CPB1: variants seen among roughly 807,000 people sequenced by gnomAD.
CPB1 encodes carboxypeptidase B1, also known as carboxypeptidase B.
A neutral mutation model predicts 51.4 loss-of-function variants in CPB1; 53 were observed. The ratio of observed to expected loss-of-function variants is 1.03; its 90% CI spans 0.83 to 1.30. The LOEUF (loss-of-function observed/expected upper bound fraction) is 1.30. Among genes scored for constraint, CPB1 ranks in the 50% most tolerant of loss-of-function variants. The probability of loss-of-function intolerance (pLI) is 0.00; values close to 1 mark genes in which losing one functional copy is unlikely to be tolerated. For missense variants in CPB1, 494 were observed against 516.2 expected (o/e 0.96, Z 0.42); for synonymous variants, 189 against 186.9 (o/e 1.01, Z -0.09).
At chr3:148,837,022 A>G (rs1242700242) in intron 3 of CPB1, among the ~76,000 whole-genome samples, 1 of 152,220 alleles carries the variant, frequency 6.6e-6, no homozygotes, top group East Asian at 1.9e-4. Context: ...AAAAATCAAA[A>G]TGTGTGCAAA....
chr3:148,839,388 T>G (rs904234731), intron 3 of CPB1, among the ~76,000 whole-genome samples: 2 of 152,200 alleles, frequency 1.3e-5, no homozygotes, highest in African/African-American at 4.8e-5. Flanking sequence ...AAATTCACGT[T>G]GTTTTAAGCC....
chr3:148,841,735 G>A (rs1713085722), intron 5 of CPB1, 88 bp from the exon 6 acceptor site: 1 of 928,886 alleles, frequency 1.1e-6, no homozygotes, highest in South Asian at 1.6e-5. Flanking sequence ...TTCACTTGTT[G>A]AGTCTCAAGC....
chr3:148,842,421 T>A (rs1239036420), intron 6 of CPB1, among the ~76,000 whole-genome samples: 2 of 152,258 alleles, frequency 1.3e-5, no homozygotes, highest in African/African-American at 4.8e-5. Context: ...TAGTCCTTAC[T>A]CTAAATGACA....
chr3:148,845,221 T>C (rs1368726190), intron 8 of CPB1, among the ~76,000 whole-genome samples: 3 of 152,172 alleles, frequency 2.0e-5, no homozygotes, highest in Admixed American at 2.0e-4. Flanking sequence ...TGCAACTTCT[T>C]ACCAGGTTAG....
At chr3:148,859,343 C>T (rs914387740) in intron 10 of CPB1, among the ~76,000 whole-genome samples, 1 of 152,216 alleles carries the variant, frequency 6.6e-6, no homozygotes, top group Non-Finnish European at 1.5e-5. Flanking sequence ...ACCTTATCTA[C>T]ACCAGGCCCT....
At chr3:148,848,728 C>A (rs371290754) in intron 9 of CPB1, among the ~76,000 whole-genome samples, 1 of 152,046 alleles carries the variant, frequency 6.6e-6, no homozygotes, top group African/African-American at 2.4e-5. Flanking sequence ...TATCATGAGA[C>A]AACCTTCAGA....
chr3:148,851,438 T>C (rs543907550), intron 9 of CPB1: 1 of 150,728 alleles, frequency 6.6e-6, no homozygotes, highest in East Asian at 1.9e-4. Context: ...CTATTAAGTG[T>C]TCATTATAAA....
chr3:148,858,072 C>G (rs1022060450), intron 10 of CPB1, among the ~76,000 whole-genome samples: 6 of 152,044 alleles, frequency 3.9e-5, no homozygotes, highest in African/African-American at 1.4e-4. Context: ...GGAGGGAGAT[C>G]AGGGCAATCT....
chr3:148,854,752 C>T (rs1355647757), intron 9 of CPB1: 8 of 152,238 alleles, frequency 5.3e-5, no homozygotes, highest in Non-Finnish European at 1.2e-4. Context: ...ACAATTCCTT[C>T]CTTCAAGGAG....
At chr3:148,857,395 A>G (rs1713610961) in intron 9 of CPB1, 62 bp from the exon 10 acceptor site, 2 of 1,245,572 alleles carry the variant, frequency 1.6e-6, no homozygotes, top group African/African-American at 1.5e-5. Context: ...AATAATGTAC[A>G]GGGCATTTGT....
At chr3:148,857,739 T>C (rs904819552) in intron 10 of CPB1, 198 bp downstream of exon 10, 1 of 456,618 alleles carries the variant, frequency 2.2e-6, no homozygotes, top group African/African-American at 2.0e-5. Flanking sequence ...AACTTTTCTC[T>C]AAAAAAAATT....
chr3:148,853,595 G>T (rs992493437), intron 9 of CPB1, among the ~76,000 whole-genome samples: 1 of 152,182 alleles, frequency 6.6e-6, no homozygotes, highest in Admixed American at 6.5e-5. Flanking sequence ...CATAGCTAAG[G>T]ATTAATAAAG....
chr3:148,844,672 T>C lies in CPB1; in HGVS notation c.688-5T>C. 6.2e-7 allele frequency: 1 copy of C among 1,613,906 alleles called. No homozygotes were observed. Among genetic ancestry groups the C allele is most frequent in the Non-Finnish European group, 8.5e-7 (1 of 1,179,830 alleles). ...ATTTGTCCTAACTATGTAGTCCACT[T>C]TCAGAGCCGATTTTGGAGAAAGACT... On this transcript the variant is annotated splice_region_variant and splice_polypyrimidine_tract_variant and intron_variant, in intron 7 of 10. Coordinates refer to ENST00000282957, the MANE Select transcript of CPB1 (RefSeq NM_001871.3).
intron 9 of CPB1, among the ~76,000 whole-genome samples, chr3:148,846,131 A>C (rs1713231323): frequency 6.6e-6 from 1 of 152,206 alleles, no homozygotes; most frequent in South Asian, 2.1e-4. Flanking sequence ...GGTGAGACTC[A>C]AAAGTAAATC....
chr3:148,836,402 C>T (rs1712902564), intron 3 of CPB1, among the ~76,000 whole-genome samples: 6 of 152,156 alleles, frequency 3.9e-5, no homozygotes, highest in Admixed American at 3.9e-4. Flanking sequence ...TTGGAGCCTT[C>T]AGTAGCATTC....
At chr3:148,848,564 A>G (rs1027175776) in intron 9 of CPB1, among the ~76,000 whole-genome samples, 3 of 152,172 alleles carry the variant, frequency 2.0e-5, no homozygotes, top group Admixed American at 6.5e-5. Flanking sequence ...ATAAGACTAG[A>G]CTAAAGGAAA....
chr3:148,837,566 T>C (rs939975990), intron 3 of CPB1, among the ~76,000 whole-genome samples: 4 of 152,044 alleles, frequency 2.6e-5, no homozygotes, highest in African/African-American at 9.7e-5. Context: ...TTCTCTATTT[T>C]GGAGCTGTGA....
chr3:148,841,007 C>A (rs1463145045), intron 5 of CPB1, 32 bp downstream of exon 5: 1 of 1,546,102 alleles, frequency 6.5e-7, no homozygotes, highest in Admixed American at 1.7e-5. Context: ...CTTGCCATGT[C>A]TGAGGGCTTT....
intron 6 of CPB1, among the ~76,000 whole-genome samples, chr3:148,842,472 T>C (rs1268565498): frequency 6.6e-6 from 1 of 152,166 alleles, no homozygotes; most frequent in Non-Finnish European, 1.5e-5. Context: ...AAGATGAATG[T>C]AAAGGCCTTT....
Sources: allele counts gnomAD v4.1 joint callset (sites outside exome capture counted in the v4.1 genomes callset), GRCh38; gene constraint gnomAD v4.1.1; transcripts MANE v1.5; gene names NCBI Gene and HGNC (gene_info 2026-07-23, HGNC 2026-07-21).